Variants in MIA3 observed in about 807,000 individuals in gnomAD.
MIA3 encodes the protein MIA SH3 domain ER export factor 3.
Under a neutral mutation model 192.4 loss-of-function variants are expected in MIA3, and 90 were observed. The ratio of observed to expected loss-of-function variants is 0.47; its 90% confidence interval spans 0.39 to 0.56. The LOEUF is 0.56. Ranked by LOEUF, MIA3 falls within the 20% of genes least tolerant of loss-of-function variation. The pLI is 0.00. For missense variants in MIA3, 2,123 were observed against 2,269.4 expected (o/e 0.94, Z 1.31); for synonymous variants, 740 against 792.8 (o/e 0.93, Z 1.12).
At position 222,667,368 on chromosome 1, in the gene MIA3, T is replaced by A. The variant is rs1001499508; in HGVS notation, c.*1749T>A. 18 of 152,218 alleles carry A rather than the reference T, an allele frequency of 1.2e-4. No individual in the cohort carries two copies. The highest frequency in any genetic ancestry group is 4.1e-4 in the African/African-American group (17 of 41,448). 9.4% of individuals were successfully genotyped at this position (152,218 alleles called of 1,614,324 possible). On this transcript the variant is annotated 3_prime_UTR_variant, in exon 28 of 28. Transcript: ENST00000344922. ...CAAATACAACTTTTGAATTTACCTG[T>A]CAATATCTCTTTAGGACACAAAACA...
At chr1:222,659,266 A>C (rs1285895958) in intron 19 of MIA3, 187 bp from the exon 20 acceptor site, 1 of 581,034 alleles carries the variant, frequency 1.7e-6, no homozygotes, top group African/African-American at 1.9e-5. Flanking sequence ...CAGCTGTTAA[A>C]GGAAATTATG....
chr1:222,621,840 G>A (rs2102712068), intron 2 of MIA3, among the ~76,000 whole-genome samples: 1 of 135,014 alleles, frequency 7.4e-6, no homozygotes, highest in East Asian at 2.1e-4. Flanking sequence ...GCGGAGTCTT[G>A]CTCTGTCGCC....
At chr1:222,659,050 G>T (rs988441464) in intron 19 of MIA3, 26 of 463,970 alleles carry the variant, frequency 5.6e-5, no homozygotes, top group African/African-American at 5.2e-4. Flanking sequence ...GGTTGGAGGG[G>T]GTGGGAGCAG....
Position 222,627,646 on chromosome 1 carries a change from GT to G in MIA3, c.431del (p.Leu144TrpfsTer15), listed in dbSNP as rs1452120794. ...ATTATAATGTAGAAGAACTTTTAGG[GT>G]TTTTGGAACTGTACAATTCTGCAGC... ...HNYNVEELLG[F>X]LELYNSAATD... On this transcript the variant is annotated frameshift_variant, in exon 4 of 28. Transcript: ENST00000344922. LOFTEE classifies it high-confidence loss of function. The G allele has an allele frequency of 6.3e-7, 1 of 1,599,042 alleles. No individual in the cohort carries two copies. Among genetic ancestry groups the G allele is most frequent in the South Asian group, 1.1e-5 (1 of 87,230 alleles).
chr1:222,618,273 G>C (rs1287126175), intron 1 of MIA3, 30 bp downstream of exon 1: 1 of 1,392,308 alleles, frequency 7.2e-7, no homozygotes, highest in Admixed American at 2.7e-5. Context: ...GGCTGGCCTC[G>C]GGGCGGCTGG....
chr1:222,650,588 C>T, intron 9 of MIA3, 46 bp from the exon 10 acceptor site: 1 of 1,299,346 alleles, frequency 7.7e-7, no homozygotes, highest in Non-Finnish European at 1.1e-6. Flanking sequence ...GTTCTGGTAG[C>T]ACTATACTTT....
rs747419330 is a variant in MIA3 at position 222,665,410 on chromosome 1, C to A, written c.5515C>A (p.His1839Asn). The change falls in exon 28 of 28, where the codon CAC (histidine) becomes AAC (asparagine). Residue 1839 changes from histidine to asparagine, a missense_variant. Transcript: ENST00000344922. The stretch of plus-strand genomic sequence containing the variant: ...CCACCCTCGGGGATTTTTACCTGGA[C>A]ACGCACCATTTAGACCTTTAGGTTC... Reference protein sequence around the residue: ...PLHPRGFLPGHAPFRPLGSLG... With the variant: ...PLHPRGFLPGNAPFRPLGSLG... The A allele has an allele frequency of 6.2e-7, 1 of 1,613,866 alleles. No individual in the cohort carries two copies. The highest frequency in any genetic ancestry group is 1.7e-5 in the Admixed American group (1 of 59,986).
At chr1:222,632,371 G>A (rs1383692442) in intron 5 of MIA3, 45 bp downstream of exon 5, 1 of 1,539,976 alleles carries the variant, frequency 6.5e-7, no homozygotes, top group Non-Finnish European at 8.9e-7. Context: ...AAATCATAAA[G>A]AAGGCCTTCT....
rs1352273721 is a variant in MIA3, at chr1:222,628,119, A to G, written c.899A>G (p.Glu300Gly). 14 of 1,613,964 alleles carry G rather than the reference A, an allele frequency of 8.7e-6. No individual in the cohort carries two copies. Among genetic ancestry groups the G allele is most frequent in the Non-Finnish European group, 1.2e-5 (14 of 1,180,020 alleles). ...ACAACCAGACTCGTTACTTCATTAG[A>G]AGATGATTTTGATGAGGAATTGGAT... ...DETTRLVTSL[E>G]DDFDEELDTE... is the part of the protein sequence containing the mutation. Residue 300 changes from glutamate (E) to glycine (G), a missense_variant, in exon 4 of 28, where the codon GAA becomes GGA. Glu to Gly is a moderately conservative substitution (Grantham distance 98, BLOSUM62 -2). This residue lies in a region of MIA3 where 1,357 missense variants were observed against 1,396.1 expected (regional missense o/e 0.97). Coordinates refer to ENST00000344922, the MANE Select transcript of MIA3 (RefSeq NM_198551.4).
chr1:222,651,835 A>C, intron 11 of MIA3, 142 bp from the exon 12 acceptor site: 2 of 662,610 alleles, frequency 3.0e-6, no homozygotes, highest in Non-Finnish European at 5.4e-6. Flanking sequence ...TCCCGAGGGC[A>C]AAACTGAAAC....
At chr1:222,663,640 G>GA (rs1358407463) in intron 26 of MIA3, among the ~76,000 whole-genome samples, 1 of 152,172 alleles carries the variant, frequency 6.6e-6, no homozygotes, top group African/African-American at 2.4e-5. Flanking sequence ...TCTTAATATG[G>GA]AAATTACTCT....
intron 6 of MIA3, among the ~76,000 whole-genome samples, chr1:222,637,124 T>C (rs568956579): frequency 1.3e-5 from 2 of 152,346 alleles, no homozygotes; most frequent in East Asian, 3.9e-4. Context: ...AGTTACTGTC[T>C]ATGGAGTTCT....
chr1:222,648,735 C>T (rs1246876524), intron 7 of MIA3, 94 bp from the exon 8 acceptor site: 2 of 772,402 alleles, frequency 2.6e-6, no homozygotes, highest in Non-Finnish European at 4.3e-6. Flanking sequence ...ATTAAATTCT[C>T]ATTTGGTTAC....
chr1:222,644,654 T>A (rs557157708), intron 6 of MIA3: 1 of 1,484,368 alleles, frequency 6.7e-7, no homozygotes, highest in African/African-American at 1.4e-5. Flanking sequence ...CTAAGCAGAG[T>A]GGGTGCACTG....
At chr1:222,660,533 A>C in intron 24 of MIA3, 1 of 377,004 alleles carries the variant, frequency 2.7e-6, no homozygotes, top group Non-Finnish European at 4.7e-6. Flanking sequence ...GTTTCTCTTT[A>C]ATTTTTTACT....
intron 27 of MIA3, chr1:222,664,834 T>G: frequency 5.9e-6 from 2 of 340,254 alleles, no homozygotes; most frequent in South Asian, 4.9e-5. Context: ...TCTGTCTTCT[T>G]GGTATGGTAT....
chr1:222,643,689 T>A (rs956453946), intron 6 of MIA3, among the ~76,000 whole-genome samples: 1 of 152,068 alleles, frequency 6.6e-6, no homozygotes, highest in African/African-American at 2.4e-5. Context: ...GCCGGACACT[T>A]GTAGTCCCAG....
rs1172970087 is a variant in MIA3, at chr1:222,627,862, C to T, written c.642C>T (p.Asn214=). 2 of 1,613,922 alleles carry T rather than the reference C, an allele frequency of 1.2e-6. No homozygotes were observed. Among genetic ancestry groups the T allele is most frequent in the African/African-American group, 1.3e-5 (1 of 74,930 alleles). ...FTTQKHHSHA[N]SQANHAQGEQ... is the part of the protein sequence containing the mutation. ...CTCAGAAGCACCACTCCCATGCAAA[C>T]AGCCAAGCAAATCATGCTCAGGGAG... The change falls in exon 4 of 28, where the codon AAC becomes AAT. Residue 214 remains asparagine, a synonymous_variant. Transcript: ENST00000344922.
chr1:222,664,256 A>C, intron 27 of MIA3, 108 bp downstream of exon 27: 1 of 1,144,074 alleles, frequency 8.7e-7, no homozygotes, highest in Non-Finnish European at 1.3e-6. Context: ...GCAGCAGTGA[A>C]GCTGATTGAG....
Sources: allele counts gnomAD v4.1 joint callset (sites outside exome capture counted in the v4.1 genomes callset), GRCh38; gene constraint gnomAD v4.1.1; regional missense constraint gnomAD v4.1.1; transcripts MANE v1.5; gene names NCBI Gene and HGNC (gene_info 2026-07-23, HGNC 2026-07-21).